Variants in HSPA12B observed in about 807,000 individuals in gnomAD.
HSPA12B encodes heat shock 70 kDa protein 12B.
A neutral mutation model predicts 69.3 loss-of-function variants in HSPA12B; 54 were observed. The ratio of observed to expected loss-of-function variants is 0.78; its 90% CI spans 0.63 to 0.98. HSPA12B has a LOEUF of 0.98. Among genes scored for constraint, HSPA12B ranks in the 50% least tolerant of loss-of-function variants. The probability of loss-of-function intolerance (pLI) is 0.00; values close to 1 mark genes in which losing one functional copy is unlikely to be tolerated. For missense variants in HSPA12B, 929 were observed against 999.8 expected (o/e 0.93, Z 0.96); for synonymous variants, 441 against 436.5 (o/e 1.01, Z -0.13).
chr20:3,733,883 TTGTC>T (rs1255119132), intron 1 of HSPA12B, among the ~76,000 whole-genome samples: 3 of 152,228 alleles, frequency 2.0e-5, no homozygotes, highest in African/African-American at 7.2e-5. Context: ...GGTGGGCTCT[TTGTC>T]TACACAGGCA....
At chr20:3,736,351 G>A (rs1741472458) in intron 1 of HSPA12B, among the ~76,000 whole-genome samples, 1 of 152,232 alleles carries the variant, frequency 6.6e-6, no homozygotes, top group Non-Finnish European at 1.5e-5. Context: ...ATGGTACAGA[G>A]GACAGCAAGA....
chr20:3,742,701 CTT>C (rs36044324), intron 4 of HSPA12B, among the ~76,000 whole-genome samples: 25 of 143,018 alleles, frequency 1.7e-4, no homozygotes, highest in African/African-American at 1.8e-4. Context: ...TTTTATTTTC[CTT>C]TTTTTTTTTT....
intron 1 of HSPA12B, among the ~76,000 whole-genome samples, chr20:3,736,125 TAGAA>T (rs1304485934): frequency 1.3e-5 from 2 of 152,188 alleles, no homozygotes; most frequent in African/African-American, 2.4e-5. Context: ...TGGGAAGAGA[TAGAA>T]AGAATCAGCT....
rs749341738 is a variant in HSPA12B, at chr20:3,752,172, C to T, written c.*6C>T. 1.0e-4 allele frequency: 149 copies of T among 1,455,292 alleles called. 1 individual carries two copies. Among genetic ancestry groups the T allele is most frequent in the Admixed American group, 2.3e-4 (9 of 39,156 alleles). 90.1% of individuals were successfully genotyped at this position (1,455,292 alleles called of 1,614,324 possible). ...TCGACTTTCTTTCCAACTGAGGGCG[C>T]GCCGGCGCGGTGCCAGCGCCGTCTG... On this transcript the variant is annotated 3_prime_UTR_variant, in exon 13 of 13. Transcript: ENST00000254963.
chr20:3,750,405 G>A (rs1456021693), intron 11 of HSPA12B, among the ~76,000 whole-genome samples, 178 bp downstream of exon 11: 1 of 152,202 alleles, frequency 6.6e-6, no homozygotes, highest in African/African-American at 2.4e-5. Context: ...CCCCAGCCCA[G>A]CAGGCTCCAC....
At position 3,732,724 on chromosome 20, in the gene HSPA12B, G is replaced by C. The variant is rs2088050021; in HGVS notation, c.-88G>C. ...GTCGAGGGCTGCGGCCGCCGCAGCGGGCACGGCCAACGAGCTGCGGGCCCG... is the reference window on the plus strand; with the variant it reads ...GTCGAGGGCTGCGGCCGCCGCAGCGCGCACGGCCAACGAGCTGCGGGCCCG... On this transcript the variant is annotated 5_prime_UTR_variant, in exon 1 of 13. Coordinates refer to ENST00000254963, the MANE Select transcript of HSPA12B (RefSeq NM_052970.5). 6.6e-6 allele frequency: 1 copy of C among 151,934 alleles called. No individual in the cohort carries two copies. Among genetic ancestry groups the C allele is most frequent in the Non-Finnish European group, 1.5e-5 (1 of 67,868 alleles). 9.4% of individuals were successfully genotyped at this position (151,934 alleles called of 1,614,324 possible).
At chr20:3,734,685 T>C (rs1012233073) in intron 1 of HSPA12B, among the ~76,000 whole-genome samples, 9 of 151,848 alleles carry the variant, frequency 5.9e-5, no homozygotes, top group Admixed American at 1.3e-4. Flanking sequence ...AGCCACCTCT[T>C]GGCTTACCTC....
intron 2 of HSPA12B, among the ~76,000 whole-genome samples, chr20:3,739,070 G>A (rs1268726318): frequency 6.6e-6 from 1 of 152,184 alleles, no homozygotes; most frequent in East Asian, 1.9e-4. Context: ...CGTGTGTTTT[G>A]TTCAGGCTCT....
intron 4 of HSPA12B, among the ~76,000 whole-genome samples, chr20:3,743,457 A>G (rs1233679158): frequency 6.6e-6 from 1 of 152,136 alleles, no homozygotes; most frequent in Non-Finnish European, 1.5e-5. Flanking sequence ...TAGCATCCCA[A>G]AAATGCTGGA....
chr20:3,742,467 G>C lies in HSPA12B; in HGVS notation c.266+59G>C. 3 of 1,367,580 alleles carry C rather than the reference G, an allele frequency of 2.2e-6. No homozygotes were observed. The South Asian group carries it at 3.6e-5, about 16-fold the overall frequency. The allele number at this position is 1,367,580 out of a possible 1,614,324, so 84.7% of individuals were successfully genotyped here. A position where few individuals can be genotyped will look rare whatever the true frequency, so the allele number is the denominator to read the frequency against. On this transcript the variant is annotated intron_variant, in intron 4 of 12. Transcript: ENST00000254963. ...GAAGGTGGGGAGTTCCTCATACCTT[G>C]GTCCCAAAAGTACTGTCACCGAGAC...
chr20:3,738,866 G>T, intron 2 of HSPA12B, 149 bp downstream of exon 2: 1 of 786,704 alleles, frequency 1.3e-6, no homozygotes, highest in Admixed American at 2.1e-5. Flanking sequence ...GTGCATGTGT[G>T]CAGGGCAGGT....
chr20:3,749,815 C>A lies in HSPA12B; in HGVS notation c.1003C>A (p.Gln335Lys). The A allele has an allele frequency of 6.2e-7, 1 of 1,608,762 alleles. No individual in the cohort carries two copies. ...GGACCTGACGGTGCACCAGCTGGAG[C>A]AGCCCCATGGCACCCTCAAGGAGCT... ...TVDLTVHQLEQPHGTLKELYK... is the reference protein window; with the variant it reads ...TVDLTVHQLEKPHGTLKELYK... The change falls in exon 10 of 13, where the codon CAG becomes AAG. Residue 335 changes from glutamine to lysine, a missense_variant. Transcript: ENST00000254963. This position sits in a 1 kb window ranked among gnomAD's most constrained non-coding sequence, Gnocchi z 5.5.
At chr20:3,743,352 TAA>T (rs10716070) in intron 4 of HSPA12B, among the ~76,000 whole-genome samples, 3,889 of 147,344 alleles carry the variant, frequency 0.026, 175 homozygotes, top group African/African-American at 0.09. Context: ...CTGGCTAATT[TAA>T]AAAAAAAAAA....
At chr20:3,733,838 A>G (rs895331080) in intron 1 of HSPA12B, among the ~76,000 whole-genome samples, 3 of 152,206 alleles carry the variant, frequency 2.0e-5, no homozygotes, top group African/African-American at 7.2e-5. Flanking sequence ...CGGAAGAGGC[A>G]GGGTCCTAGT....
Position 3,750,138 on chromosome 20 carries a change from G to A in HSPA12B, c.1212G>A (p.Gly404=). The A allele has an allele frequency of 6.2e-7, 1 of 1,611,956 alleles. No homozygotes were observed. The highest frequency in any genetic ancestry group is 1.1e-5 in the South Asian group (1 of 90,916). Residue 404 remains glycine, a synonymous_variant, in exon 11 of 13, where the codon GGG becomes GGA. Coordinates refer to ENST00000254963, the MANE Select transcript of HSPA12B (RefSeq NM_052970.5). ...GCACTGCTGGCCCACACCGTGCAGG[G>A]GCGCTCAACATCTCGCTGCCCTTCT... is the stretch of plus-strand genomic sequence containing the variant. The part of the protein sequence containing the change: ...RKRTAGPHRA[G]ALNISLPFSF...
rs1452504476 is a variant in HSPA12B, at chr20:3,751,767, G to C, written c.1662G>C (p.Gly554=). ...GCGTGCTCAACCGCTTTGTGCCTGG[G>C]CGCCACCCGCCCGAAAAGCTGCTGG... ...GVGVLNRFVP[G]RHPPEKLLVR... is the part of the protein sequence containing the mutation. Residue 554 remains glycine, a synonymous_variant, in exon 13 of 13, where the codon GGG becomes GGC. Coordinates refer to ENST00000254963, the MANE Select transcript of HSPA12B (RefSeq NM_052970.5). 2 of 1,525,684 alleles carry C rather than the reference G, an allele frequency of 1.3e-6. No homozygotes were observed. The highest frequency in any genetic ancestry group is 4.0e-5 in the Admixed American group (2 of 50,190). The allele number at this position is 1,525,684 out of a possible 1,614,324, so 94.5% of individuals were successfully genotyped here.
chr20:3,748,805 G>A (rs899038075), intron 8 of HSPA12B, among the ~76,000 whole-genome samples: 1 of 151,898 alleles, frequency 6.6e-6, no homozygotes, highest in Admixed American at 6.6e-5. Context: ...CATCTTCCCC[G>A]ACACACATCA....
intron 1 of HSPA12B, among the ~76,000 whole-genome samples, chr20:3,734,510 A>T (rs1481692607): frequency 2.0e-5 from 3 of 152,182 alleles, no homozygotes; most frequent in Non-Finnish European, 4.4e-5. Flanking sequence ...ACCCATAGGC[A>T]CCACCAGTCT....
In HSPA12B at chr20:3,745,955, C is replaced by T; in HGVS notation, c.599C>T (p.Thr200Ile). ...EQSPSLPEKD[T>I]VRWVLTVPAI... ...AGCCCATCGCTGCCAGAGAAGGACA[C>T]TGTGCGCTGGGTGTTGACGGTGCCT... is the stretch of plus-strand genomic sequence containing the variant. Residue 200 changes from threonine (T) to isoleucine (I), a missense_variant, in exon 7 of 13, where the codon ACT (threonine) becomes ATT (isoleucine). Coordinates refer to ENST00000254963, the MANE Select transcript of HSPA12B (RefSeq NM_052970.5). This position sits in a 1 kb window ranked among gnomAD's most constrained non-coding sequence, Gnocchi z 5.6. 2 of 1,614,074 alleles carry T rather than the reference C, an allele frequency of 1.2e-6. No homozygotes were observed. Among genetic ancestry groups the T allele is most frequent in the Non-Finnish European group, 8.5e-7 (1 of 1,180,000 alleles).
Sources: allele counts gnomAD v4.1 joint callset (sites outside exome capture counted in the v4.1 genomes callset), GRCh38; gene constraint gnomAD v4.1.1; non-coding constraint Gnocchi (gnomAD v3.1); transcripts MANE v1.5; gene names NCBI Gene and HGNC (gene_info 2026-07-23, HGNC 2026-07-21).